TSHZ1: variants seen among roughly 807,000 people sequenced by gnomAD.
The protein encoded by TSHZ1 is teashirt zinc finger homeobox 1.
Under a neutral mutation model 67.1 loss-of-function variants are expected in TSHZ1, and 12 were observed. That is an observed-to-expected ratio of 0.18 (90% confidence interval 0.11 to 0.29). The LOEUF (loss-of-function observed/expected upper bound fraction) is 0.29. Ranked by LOEUF, TSHZ1 falls within the 10% of genes least tolerant of loss-of-function variation. The probability of loss-of-function intolerance (pLI) is 1.00; values close to 1 mark genes in which losing one functional copy is unlikely to be tolerated. For synonymous variants in TSHZ1, 632 were observed against 622.4 expected (o/e 1.02, Z -0.23); for missense variants, 1,305 against 1,413.9 (o/e 0.92, Z 1.23).
At chr18:75,221,643 C>A (rs1313557675) in intron 1 of TSHZ1, among the ~76,000 whole-genome samples, 1 of 152,174 alleles carries the variant, frequency 6.6e-6, no homozygotes, top group Admixed American at 6.5e-5. Flanking sequence ...ATTTCAAGTA[C>A]AGAATGTGTC....
intron 1 of TSHZ1, among the ~76,000 whole-genome samples, chr18:75,228,760 G>A (rs1478218730): frequency 6.6e-6 from 1 of 152,128 alleles, no homozygotes; most frequent in African/African-American, 2.4e-5. Context: ...ACCTCTCAAC[G>A]GTTGGTCCTC....
intron 1 of TSHZ1, among the ~76,000 whole-genome samples, chr18:75,232,960 G>A (rs923876203): frequency 1.3e-5 from 2 of 152,182 alleles, no homozygotes; most frequent in Non-Finnish European, 2.9e-5. Context: ...AATTCTCAGG[G>A]CTGCCTGTGG....
At chr18:75,218,513 C>T (rs1488556922) in intron 1 of TSHZ1, among the ~76,000 whole-genome samples, 1 of 152,222 alleles carries the variant, frequency 6.6e-6, no homozygotes, top group Non-Finnish European at 1.5e-5. Context: ...TATATGTTCC[C>T]TGAGAGGCCA....
intron 1 of TSHZ1, among the ~76,000 whole-genome samples, chr18:75,264,508 G>A (rs1241389632): frequency 6.9e-6 from 1 of 144,886 alleles, no homozygotes; most frequent in Non-Finnish European, 1.5e-5. Context: ...TTTTTTAAGT[G>A]TAGGAGAAGG....
intron 1 of TSHZ1, among the ~76,000 whole-genome samples, chr18:75,273,280 C>A (rs901494745): frequency 6.6e-6 from 1 of 152,160 alleles, no homozygotes; most frequent in Non-Finnish European, 1.5e-5. Context: ...TAAGAAAACA[C>A]CTTTATTTTG....
In TSHZ1 at chr18:75,240,293, AATTTTAAGGATAGTGAATCTTACAG is replaced by A. The variant is rs538093456; in HGVS notation, c.40+28397_40+28421del. Among the ~76,000 whole-genome samples, 951 of 152,332 alleles carry A rather than the reference AATTTTAAGGATAGTGAATCTTACAG, an allele frequency of 6.2e-3. 11 individuals carry two copies. The highest frequency in any genetic ancestry group is 0.022 in the African/African-American group (905 of 41,564). The stretch of plus-strand genomic sequence containing the variant: ...CTGCCTGAAAGTGATATTTCTTAAA[AATTTTAAGGATAGTGAATCTTACAG>A]ATTTTAAGGATAGTGAATCAGCTTT... On this transcript the variant is annotated intron_variant, in intron 1 of 1. Transcript: ENST00000580243.
At chr18:75,212,239 T>G (rs1487220565) in intron 1 of TSHZ1, among the ~76,000 whole-genome samples, 2 of 152,096 alleles carry the variant, frequency 1.3e-5, no homozygotes, top group African/African-American at 4.8e-5. Flanking sequence ...TGAGGGGAAG[T>G]AGTTGCTCCT....
chr18:75,283,426 C>T (rs925021498), intron 1 of TSHZ1: 2 of 152,180 alleles, frequency 1.3e-5, no homozygotes, highest in Middle Eastern at 3.2e-3. Context: ...ATTTTATGAG[C>T]GTTATATTTT....
chr18:75,288,687 C>A lies in TSHZ1; in HGVS notation c.*46C>A. ...CGCGGAACATTGCACTAAACGTCGT[C>A]GAGCTGCACTAGGCCTGGCCTGAGC... is the stretch of plus-strand genomic sequence containing the variant. On this transcript the variant is annotated 3_prime_UTR_variant, in exon 2 of 2. Transcript: ENST00000580243. This position sits in a 1 kb window ranked among gnomAD's most constrained non-coding sequence, Gnocchi z 4.9. 1 of 1,531,072 alleles carries A rather than the reference C, an allele frequency of 6.5e-7. No homozygotes were observed. Among genetic ancestry groups the A allele is most frequent in the Admixed American group, 2.1e-5 (1 of 47,798 alleles). The allele number at this position is 1,531,072 out of a possible 1,614,324, so 94.8% of individuals were successfully genotyped here. A position where few individuals can be genotyped will look rare whatever the true frequency, so the allele number is the denominator to read the frequency against.
rs185043898 is a variant in TSHZ1, at chr18:75,224,588, C to G, written c.40+12672C>G. Among the ~76,000 whole-genome samples the G allele has an allele frequency of 7.7e-3, 1,178 of 152,268 alleles. 7 individuals carry two copies. The highest frequency in any genetic ancestry group is 0.012 in the Non-Finnish European group (803 of 68,026). ...CCCAGATTTTAATGTATGATCCCCC[C>G]CTCCCCGCAATACTCTTATTTATAG... On this transcript the variant is annotated intron_variant, in intron 1 of 1. Coordinates refer to ENST00000580243, the MANE Select transcript of TSHZ1 (RefSeq NM_001308210.2).
At chr18:75,223,733 C>A (rs941514567) in intron 1 of TSHZ1, among the ~76,000 whole-genome samples, 2 of 152,056 alleles carry the variant, frequency 1.3e-5, no homozygotes, top group Admixed American at 1.3e-4. Flanking sequence ...TTCTCTGCAG[C>A]CCTGGCCCTG....
intron 1 of TSHZ1, among the ~76,000 whole-genome samples, chr18:75,226,290 T>A (rs1411372815): frequency 1.3e-5 from 2 of 152,178 alleles, no homozygotes; most frequent in Non-Finnish European, 2.9e-5. Flanking sequence ...TGCTCCCCAC[T>A]CACCCAACTC....
rs1291404987 is a variant in TSHZ1 at position 75,281,858 on chromosome 18, C to T, written c.41-3590C>T. On this transcript the variant is annotated intron_variant, in intron 1 of 1. Coordinates refer to ENST00000580243, the MANE Select transcript of TSHZ1 (RefSeq NM_001308210.2). The surrounding 1 kb of genome is among the most constrained non-coding windows in gnomAD (Gnocchi z 5.3). ...GGGAGAGCCCGAACCTGTGGGGGCC[C>T]AGCCTTCACCCTGGTCCACACGGGG... Among the ~76,000 whole-genome samples the T allele has an allele frequency of 6.6e-6, 1 of 152,066 alleles. No homozygotes were observed. The highest frequency in any genetic ancestry group is 1.5e-5 in the Non-Finnish European group (1 of 67,980).
At chr18:75,245,447 C>G (rs533860788) in intron 1 of TSHZ1, 1 of 152,246 alleles carries the variant, frequency 6.6e-6, no homozygotes, top group South Asian at 2.1e-4. Context: ...TTTTAAATAT[C>G]TTTTTAGTTT....
At chr18:75,214,509 A>G (rs1437346215) in intron 1 of TSHZ1, among the ~76,000 whole-genome samples, 2 of 152,194 alleles carry the variant, frequency 1.3e-5, no homozygotes, top group Non-Finnish European at 2.9e-5. Flanking sequence ...TTTTATTATA[A>G]CATCCTGACT....
At chr18:75,215,993 G>A (rs2022761807) in intron 1 of TSHZ1, among the ~76,000 whole-genome samples, 2 of 152,052 alleles carry the variant, frequency 1.3e-5, no homozygotes, top group Non-Finnish European at 2.9e-5. Context: ...TGTGTGGTGG[G>A]GGAGGGTTGG....
chr18:75,225,036 T>G (rs1385424784), intron 1 of TSHZ1, among the ~76,000 whole-genome samples: 1 of 152,146 alleles, frequency 6.6e-6, no homozygotes, highest in Non-Finnish European at 1.5e-5. Flanking sequence ...GAATTTGCTT[T>G]TGGTAAAATT....
At chr18:75,262,506 A>T (rs1199403348) in intron 1 of TSHZ1, among the ~76,000 whole-genome samples, 1 of 152,208 alleles carries the variant, frequency 6.6e-6, no homozygotes, top group African/African-American at 2.4e-5. Context: ...TATGAATGTA[A>T]ATCGTCAATT....
intron 1 of TSHZ1, among the ~76,000 whole-genome samples, chr18:75,233,115 C>T (rs1184682595): frequency 1.3e-5 from 2 of 152,216 alleles, no homozygotes; most frequent in Admixed American, 1.3e-4. Flanking sequence ...CTGGAACTCC[C>T]GGCTGCTGTC....
Sources: allele counts gnomAD v4.1 joint callset (sites outside exome capture counted in the v4.1 genomes callset), GRCh38; gene constraint gnomAD v4.1.1; non-coding constraint Gnocchi (gnomAD v3.1); transcripts MANE v1.5; gene names NCBI Gene and HGNC (gene_info 2026-07-23, HGNC 2026-07-21).